ZNF616: variants seen among roughly 807,000 people sequenced by gnomAD.
ZNF616 encodes the protein zinc finger protein 616.
In ZNF616, 5 loss-of-function variants were observed where a neutral mutation model predicts 7.6. The observed-to-expected ratio is 0.66, with a 90% CI of 0.34 to 1.38. The LOEUF (loss-of-function observed/expected upper bound fraction) is 1.38, where lower values mean the gene tolerates loss of function less well. ZNF616 is among the 40% of genes most tolerant of loss of function. The probability of loss-of-function intolerance (pLI) is 0.04; values close to 1 mark genes in which losing one functional copy is unlikely to be tolerated. For synonymous variants in ZNF616, 319 were observed against 317.2 expected (o/e 1.01, Z -0.06); for missense variants, 913 against 948.3 (o/e 0.96, Z 0.49).
At position 52,121,140 on chromosome 19, in the gene ZNF616, C is replaced by T. The variant is rs562123005; in HGVS notation, c.139+2783G>A. 3.6e-4 allele frequency among the ~76,000 whole-genome samples: 55 copies of T among 152,298 alleles called. 1 individual carries two copies. Among genetic ancestry groups the T allele is most frequent in the African/African-American group, 9.4e-4 (39 of 41,566 alleles). ...CGTGATCTTGGTTCACTGCAACCTCCGCCTCCCAGGTTCAAGCGATTCTCC... is the reference window on the plus strand; with the variant it reads ...CGTGATCTTGGTTCACTGCAACCTCTGCCTCCCAGGTTCAAGCGATTCTCC... On this transcript the variant is annotated intron_variant, in intron 3 of 3. Transcript: ENST00000600228.
chr19:52,132,041 G>A (rs1166311130), intron 1 of ZNF616, among the ~76,000 whole-genome samples: 1 of 152,052 alleles, frequency 6.6e-6, no homozygotes, highest in Non-Finnish European at 1.5e-5. Flanking sequence ...GTAGGGACGA[G>A]GTCTTCAAAC....
In ZNF616 at chr19:52,116,416, A is replaced by G. The variant is rs1362203792; in HGVS notation, c.748T>C (p.Phe250Leu). ...CTTACAAAATATGAATTTTTTCTGAAGATCTTGCCACATACATCACATTGA... is the reference window on the plus strand; with the variant it reads ...CTTACAAAATATGAATTTTTTCTGAGGATCTTGCCACATACATCACATTGA... ...SYQCDVCGKI[F>L]RKNSYFVRHQ... is the part of the protein sequence containing the mutation. Residue 250 changes from phenylalanine to leucine, a missense_variant, in exon 4 of 4, where the codon TTC becomes CTC. By Grantham distance (22) the Phe-to-Leu change is conservative. Transcript: ENST00000600228. 3 of 1,613,956 alleles carry G rather than the reference A, an allele frequency of 1.9e-6. No homozygotes were observed. In the South Asian group the frequency reaches 3.3e-5, roughly 18 times the overall value.
At chr19:52,120,978 A>C (rs1017637122) in intron 3 of ZNF616, among the ~76,000 whole-genome samples, 1 of 152,228 alleles carries the variant, frequency 6.6e-6, no homozygotes, top group African/African-American at 2.4e-5. Flanking sequence ...CGCATCTCCC[A>C]AAAACAGCAC....
chr19:52,116,587 C>T lies in ZNF616; in HGVS notation c.577G>A (p.Ala193Thr), dbSNP rs754242196. The T allele has an allele frequency of 6.2e-7, 1 of 1,614,032 alleles. No homozygotes were observed. The highest frequency in any genetic ancestry group is 1.7e-5 in the Admixed American group (1 of 60,000). ...KTYVCNECGK[A>T]FKASSSLINH... Reference sequence around the variant, plus strand: ...ATAAGGCTGGAAGACGCTTTAAAGGCTTTGCCACATTCATTACATACATAC... The same window carrying T: ...ATAAGGCTGGAAGACGCTTTAAAGGTTTTGCCACATTCATTACATACATAC... Residue 193 changes from alanine to threonine, a missense_variant, in exon 4 of 4, where the codon GCC becomes ACC. Ala to Thr is a moderately conservative substitution (Grantham distance 58, BLOSUM62 0). Coordinates refer to ENST00000600228, the MANE Select transcript of ZNF616 (RefSeq NM_178523.5).
chr19:52,125,142 T>C (rs989087854), intron 2 of ZNF616, among the ~76,000 whole-genome samples: 7 of 152,210 alleles, frequency 4.6e-5, no homozygotes, highest in Non-Finnish European at 7.3e-5. Context: ...CCAAAATTCA[T>C]GTACTCCTCA....
intron 3 of ZNF616, among the ~76,000 whole-genome samples, chr19:52,123,232 C>T (rs2088877930): frequency 6.6e-6 from 1 of 151,960 alleles, no homozygotes. Flanking sequence ...TGAAAATGCA[C>T]CAGATTAAAG....
At chr19:52,117,153 G>A (rs2088833368) in intron 3 of ZNF616, 129 bp from the exon 4 acceptor site, 2 of 706,532 alleles carry the variant, frequency 2.8e-6, no homozygotes, top group South Asian at 6.4e-5. Context: ...TCTCCACCAT[G>A]ATCTTTTATT....
chr19:52,130,383 G>C, intron 2 of ZNF616, 118 bp downstream of exon 2: 1 of 949,654 alleles, frequency 1.1e-6, no homozygotes, highest in Non-Finnish European at 1.7e-6. Context: ...AAATGTGTCA[G>C]GAAGGACACT....
At position 52,115,687 on chromosome 19, in the gene ZNF616, A is replaced by G; in HGVS notation, c.1477T>C (p.Tyr493His). 6.2e-7 allele frequency: 1 copy of G among 1,614,124 alleles called. No individual in the cohort carries two copies. The highest frequency in any genetic ancestry group is 8.5e-7 in the Non-Finnish European group (1 of 1,179,978). Residue 493 changes from tyrosine (Y) to histidine (H), a missense_variant, in exon 4 of 4, where the codon TAC (tyrosine) becomes CAC (histidine). Tyr to His is a moderately conservative substitution (Grantham distance 83). Transcript: ENST00000600228. ...HQRIHTGEKP[Y>H]KCNECGKVFS... ...ACCTTGCCACATTCATTGCATTTGT[A>G]AGGTTTCTCTCCAGTATGAATTCTC...
At chr19:52,137,512 T>C (rs1162794231) in intron 1 of ZNF616, among the ~76,000 whole-genome samples, 2 of 152,162 alleles carry the variant, frequency 1.3e-5, no homozygotes, top group Non-Finnish European at 2.9e-5. Context: ...TGCTGGGCGA[T>C]ATAAGACTGA....
intron 2 of ZNF616, among the ~76,000 whole-genome samples, chr19:52,130,233 C>G (rs1395800028): frequency 6.6e-6 from 1 of 152,192 alleles, no homozygotes; most frequent in African/African-American, 2.4e-5. Context: ...CTCACCCCAT[C>G]TCCATCCATG....
chr19:52,120,135 A>G (rs372789510), intron 3 of ZNF616, among the ~76,000 whole-genome samples: 28 of 152,354 alleles, frequency 1.8e-4, no homozygotes, highest in East Asian at 1.2e-3. Context: ...AGGTTTAAAT[A>G]CACGTTCATG....
chr19:52,138,577 T>C (rs2089032812), intron 1 of ZNF616: 1 of 152,254 alleles, frequency 6.6e-6, no homozygotes, highest in African/African-American at 2.4e-5. Flanking sequence ...TATTCCCTCT[T>C]TTATGTCTAT....
At chr19:52,126,717 C>T (rs1202292896) in intron 2 of ZNF616, among the ~76,000 whole-genome samples, 1 of 151,698 alleles carries the variant, frequency 6.6e-6, no homozygotes, top group African/African-American at 2.4e-5. Flanking sequence ...TGCAGTGAGT[C>T]GAGATCATGC....
Position 52,114,419 on chromosome 19 carries a change from T to G in ZNF616, c.*399A>C. 2 of 162,928 alleles carry G rather than the reference T, an allele frequency of 1.2e-5. No homozygotes were observed. The highest frequency in any genetic ancestry group is 2.6e-5 in the Non-Finnish European group (2 of 76,422). The allele number at this position is 162,928 out of a possible 1,614,324, so 10.1% of individuals were successfully genotyped here. On this transcript the variant is annotated 3_prime_UTR_variant, in exon 4 of 4. Transcript: ENST00000600228. ...GCTGGCTAATGTATAAAGAAAAGAG[T>G]TTAATTGGCTCATATTTCTGAAGGC...
chr19:52,130,423 C>T (rs1014422112), intron 2 of ZNF616, 78 bp downstream of exon 2: 23 of 1,308,370 alleles, frequency 1.8e-5, no homozygotes, highest in South Asian at 1.5e-4. Context: ...GCAACTCCGA[C>T]GCCCTGTACT....
intron 1 of ZNF616, among the ~76,000 whole-genome samples, chr19:52,134,215 C>G (rs547104755): frequency 2.6e-5 from 4 of 152,240 alleles, no homozygotes; most frequent in Admixed American, 6.5e-5. Context: ...AAAACAAGAA[C>G]AGGAGTTAAA....
chr19:52,121,407 A>G (rs1418124514), intron 3 of ZNF616, among the ~76,000 whole-genome samples: 2 of 152,254 alleles, frequency 1.3e-5, no homozygotes, highest in Non-Finnish European at 2.9e-5. Flanking sequence ...TGGAAACAAC[A>G]TATTCCTAAA....
chr19:52,139,218 C>T lies in ZNF616; in HGVS notation c.-77+514G>A, dbSNP rs2089038062. Among the ~76,000 whole-genome samples, 1 of 152,158 alleles carries T rather than the reference C, an allele frequency of 6.6e-6. No individual in the cohort carries two copies. The highest frequency in any genetic ancestry group is 1.5e-5 in the Non-Finnish European group (1 of 68,044). ...AGGGGAGGAATACGATGCCCACCTC[C>T]CGGAAGAGCACATTTTCCAGTGGAG... On this transcript the variant is annotated intron_variant, in intron 1 of 3. Transcript: ENST00000600228. The surrounding 1 kb of genome is among the most constrained non-coding windows in gnomAD (Gnocchi z 4.1).
Sources: allele counts gnomAD v4.1 joint callset (sites outside exome capture counted in the v4.1 genomes callset), GRCh38; gene constraint gnomAD v4.1.1; non-coding constraint Gnocchi (gnomAD v3.1); transcripts MANE v1.5; gene names NCBI Gene and HGNC (gene_info 2026-07-23, HGNC 2026-07-21).